HECW1: variants seen among roughly 807,000 people sequenced by gnomAD.
The protein encoded by HECW1 is E3 ubiquitin-protein ligase HECW1.
In HECW1, 61 loss-of-function variants were observed where a neutral mutation model predicts 182.3. The ratio of observed to expected loss-of-function variants is 0.33; its 90% CI spans 0.27 to 0.41. HECW1 has a LOEUF of 0.41. HECW1 is among the 10% of genes least tolerant of loss of function. The pLI is 1.00. For synonymous variants in HECW1, 859 were observed against 832.6 expected (o/e 1.03, Z -0.55); for missense variants, 1,739 against 2,108.9 (o/e 0.82, Z 3.44).
chr7:43,155,854 G>T (rs917594484), intron 2 of HECW1, among the ~76,000 whole-genome samples: 5 of 152,220 alleles, frequency 3.3e-5, no homozygotes, highest in African/African-American at 1.2e-4. Flanking sequence ...CAATCTTACA[G>T]GTGTAACAGC....
intron 3 of HECW1, among the ~76,000 whole-genome samples, chr7:43,309,304 A>AG (rs1281880372): frequency 2.0e-5 from 3 of 152,028 alleles, no homozygotes; most frequent in South Asian, 2.1e-4. Context: ...GTGGTGGGAG[A>AG]GGGTGGGGTG....
At chr7:43,190,074 G>A (rs552941000) in intron 2 of HECW1, among the ~76,000 whole-genome samples, 10 of 149,494 alleles carry the variant, frequency 6.7e-5, no homozygotes, top group Admixed American at 6.1e-4. Flanking sequence ...CCTGGTCACA[G>A]CTGTGGAAAT....
At chr7:43,523,327 G>C (rs2152940620) in intron 24 of HECW1, among the ~76,000 whole-genome samples, 2 of 152,264 alleles carry the variant, frequency 1.3e-5, no homozygotes, top group Middle Eastern at 3.4e-3. Context: ...TTAAACACCA[G>C]CATCAAACAG....
At chr7:43,551,945 A>T (rs903989126) in intron 27 of HECW1, among the ~76,000 whole-genome samples, 1 of 149,704 alleles carries the variant, frequency 6.7e-6, no homozygotes, top group Non-Finnish European at 1.5e-5. Context: ...GTGTTTAATA[A>T]AAGCATGAAG....
Position 43,312,053 on chromosome 7 carries a change from G to A in HECW1, c.318G>A (p.Val106=). Residue 106 remains valine, a synonymous_variant, in exon 4 of 30, where the codon GTG becomes GTA. Transcript: ENST00000395891. ...LVIHWDIKEE[V]DAGDWIGMYL... ...TCCACTGGGACATAAAGGAGGAAGT[G>A]GACGCTGGGGACTGGATTGGCATGT... is the stretch of plus-strand genomic sequence containing the variant. 1 of 1,614,240 alleles carries A rather than the reference G, an allele frequency of 6.2e-7. No homozygotes were observed. Among genetic ancestry groups the A allele is most frequent in the Non-Finnish European group, 8.5e-7 (1 of 1,180,034 alleles).
At chr7:43,435,727 A>G (rs749868905) in intron 8 of HECW1, among the ~76,000 whole-genome samples, 1 of 152,208 alleles carries the variant, frequency 6.6e-6, no homozygotes, top group Non-Finnish European at 1.5e-5. Context: ...GAATGTGAGC[A>G]AGAAATACAA....
intron 5 of HECW1, among the ~76,000 whole-genome samples, chr7:43,330,277 A>T (rs1811303431): frequency 6.6e-6 from 1 of 152,214 alleles, no homozygotes; most frequent in South Asian, 2.1e-4. Flanking sequence ...GGCTGGGAGA[A>T]GCCCTGGCTA....
chr7:43,180,197 C>A (rs574598186), intron 2 of HECW1, among the ~76,000 whole-genome samples: 1 of 102,910 alleles, frequency 9.7e-6, no homozygotes, highest in South Asian at 2.7e-4. Flanking sequence ...CTGTTTGAGC[C>A]TGCTGGTAAT....
intron 24 of HECW1, among the ~76,000 whole-genome samples, chr7:43,514,308 T>TC (rs1380045207): frequency 6.6e-6 from 1 of 151,578 alleles, no homozygotes; most frequent in Non-Finnish European, 1.5e-5. Context: ...TTTCTTTTTT[T>TC]TTTTTTTGAG....
chr7:43,435,769 T>C (rs2076690419), intron 8 of HECW1, among the ~76,000 whole-genome samples: 1 of 152,202 alleles, frequency 6.6e-6, no homozygotes, highest in South Asian at 2.1e-4. Context: ...AAGTTGGCTG[T>C]TAGTGCAGCA....
chr7:43,490,461 GC>G (rs1033032809), intron 17 of HECW1, among the ~76,000 whole-genome samples: 62 of 152,264 alleles, frequency 4.1e-4, no homozygotes, highest in African/African-American at 1.3e-3. Flanking sequence ...CTATTTTAAA[GC>G]CTATTTTAGC....
Position 43,121,565 on chromosome 7 carries a change from T to C in HECW1, c.-32+7174T>C, listed in dbSNP as rs1181220394. On this transcript the variant is annotated intron_variant, in intron 2 of 29. Coordinates refer to ENST00000395891, the MANE Select transcript of HECW1 (RefSeq NM_015052.5). ...AACATATAGTGATATGTAAAATCAC[T>C]ATATTATACATATAGTGATATTTTA... Among the ~76,000 whole-genome samples, 7 of 152,290 alleles carry C rather than the reference T, an allele frequency of 4.6e-5. No homozygotes were observed. The East Asian group carries it at 1.4e-3, about 29-fold the overall frequency.
intron 6 of HECW1, among the ~76,000 whole-genome samples, chr7:43,378,495 A>G (rs1441403376): frequency 6.6e-6 from 1 of 152,212 alleles, no homozygotes; most frequent in African/African-American, 2.4e-5. Context: ...CATCCCAAAT[A>G]CGCATGGTTA....
chr7:43,369,897 A>C (rs183774032), intron 6 of HECW1, among the ~76,000 whole-genome samples: 2 of 152,352 alleles, frequency 1.3e-5, no homozygotes, highest in East Asian at 3.9e-4. Context: ...GGAGGGATAG[A>C]TAAATCTGAT....
chr7:43,539,099 G>A (rs796389326), intron 24 of HECW1, among the ~76,000 whole-genome samples: 2 of 152,038 alleles, frequency 1.3e-5, no homozygotes, highest in South Asian at 4.1e-4. Context: ...TTTTAATACT[G>A]AACTATCCTT....
At chr7:43,132,522 T>TTC (rs71717961) in intron 2 of HECW1, among the ~76,000 whole-genome samples, 9,641 of 151,788 alleles carry the variant, frequency 0.064, 1,005 homozygotes, top group African/African-American at 0.22. Context: ...AAGAGTTTCC[T>TTC]TCTCTCTCTC....
At chr7:43,127,147 CAGTT>C (rs983091231) in intron 2 of HECW1, among the ~76,000 whole-genome samples, 2 of 152,162 alleles carry the variant, frequency 1.3e-5, no homozygotes, top group African/African-American at 4.8e-5. Context: ...TTGCACCAAA[CAGTT>C]AGCCAAGTTG....
At chr7:43,341,498 TC>T (rs1253134702) in intron 5 of HECW1, among the ~76,000 whole-genome samples, 1 of 151,696 alleles carries the variant, frequency 6.6e-6, no homozygotes, top group Non-Finnish European at 1.5e-5. Flanking sequence ...ATATCAGCTA[TC>T]ACAATTACTT....
intron 2 of HECW1, among the ~76,000 whole-genome samples, chr7:43,209,093 G>T (rs957201027): frequency 6.6e-6 from 1 of 152,110 alleles, no homozygotes; most frequent in Non-Finnish European, 1.5e-5. Context: ...AGTGGGAGGC[G>T]GGCAGCCTTT....
Sources: gnomAD v4.1 joint callset for allele counts (sites outside exome capture counted in the v4.1 genomes callset) on GRCh38, gnomAD v4.1.1 for gene constraint, MANE v1.5 for transcripts, NCBI Gene and HGNC (gene_info 2026-07-23, HGNC 2026-07-21) for gene names.